KCNAB1: variants seen among roughly 807,000 people sequenced by gnomAD.
KCNAB1 encodes the protein voltage-gated potassium channel subunit beta-1.
In KCNAB1, 35 loss-of-function variants were observed where a neutral mutation model predicts 64.6. The ratio of observed to expected loss-of-function variants is 0.54; its 90% CI spans 0.41 to 0.72. The LOEUF (loss-of-function observed/expected upper bound fraction) is 0.72, where lower values mean the gene tolerates loss of function less well. Ranked by LOEUF, KCNAB1 falls within the 30% of genes least tolerant of loss-of-function variation. The pLI, the probability that KCNAB1 is intolerant of heterozygous loss-of-function variation, is 0.00. For synonymous variants in KCNAB1, 177 were observed against 183.8 expected, an observed-to-expected ratio of 0.96 and a Z score of 0.30; for missense variants, 401 against 512.9, an observed-to-expected ratio of 0.78 and a Z score of 2.11.
At chr3:156,184,134 A>AT (rs562382316) in intron 1 of KCNAB1, among the ~76,000 whole-genome samples, 180 of 152,284 alleles carry the variant, frequency 1.2e-3, no homozygotes, top group African/African-American at 3.8e-3. Flanking sequence ...TATACATACA[A>AT]TTTTTTTGTC....
chr3:156,281,076 A>C (rs1482074592), intron 1 of KCNAB1, among the ~76,000 whole-genome samples: 1 of 151,648 alleles, frequency 6.6e-6, no homozygotes, highest in Non-Finnish European at 1.5e-5. Context: ...GTTTTTGCCC[A>C]TTCAGTATGA....
chr3:156,522,029 C>T (rs1426535498), intron 11 of KCNAB1, among the ~76,000 whole-genome samples: 1 of 54,398 alleles, frequency 1.8e-5, no homozygotes, highest in Non-Finnish European at 5.3e-5. Context: ...TACACATATA[C>T]ACACACACAT....
chr3:156,416,581 A>G (rs1023546527), intron 1 of KCNAB1, among the ~76,000 whole-genome samples: 2 of 152,200 alleles, frequency 1.3e-5, no homozygotes, highest in African/African-American at 4.8e-5. Context: ...TTTAGGGCCT[A>G]CTATCCTTTT....
intron 1 of KCNAB1, among the ~76,000 whole-genome samples, chr3:156,165,548 A>G (rs1341811312): frequency 1.3e-5 from 2 of 152,184 alleles, no homozygotes; most frequent in Non-Finnish European, 2.9e-5. Flanking sequence ...AGTCTCCACA[A>G]TCAGCATTAC....
chr3:156,470,032 T>C (rs1268107058), intron 7 of KCNAB1, among the ~76,000 whole-genome samples: 2 of 152,224 alleles, frequency 1.3e-5, no homozygotes, highest in Non-Finnish European at 2.9e-5. Context: ...GATACAGAGT[T>C]CAGGCCACTT....
At chr3:156,529,656 C>G (rs1185295365) in intron 12 of KCNAB1, among the ~76,000 whole-genome samples, 1 of 152,188 alleles carries the variant, frequency 6.6e-6, no homozygotes, top group African/African-American at 2.4e-5. Context: ...CTGATGCATA[C>G]CAAAGTTTGA....
intron 7 of KCNAB1, among the ~76,000 whole-genome samples, chr3:156,473,874 G>T (rs1243574208): frequency 1.3e-5 from 2 of 152,168 alleles, no homozygotes; most frequent in Non-Finnish European, 2.9e-5. Flanking sequence ...AGGGTAACAT[G>T]ATTCTCGAAC....
At chr3:156,275,165 A>G (rs1576667337) in intron 1 of KCNAB1, among the ~76,000 whole-genome samples, 1 of 152,368 alleles carries the variant, frequency 6.6e-6, no homozygotes, top group South Asian at 2.1e-4. Flanking sequence ...CACTAGAATA[A>G]AGAAAATATT....
rs555934085 is a variant in KCNAB1, at chr3:156,264,515, T to A, written c.275+143629T>A. On this transcript the variant is annotated intron_variant, in intron 1 of 13. Transcript: ENST00000490337. ...ATATTTTAATTAGCTTGTTCATTTTTAAAAATATTTCTGTGAGTTATTTTC... is the reference window on the plus strand; with the variant it reads ...ATATTTTAATTAGCTTGTTCATTTTAAAAAATATTTCTGTGAGTTATTTTC... Among the ~76,000 whole-genome samples the A allele has an allele frequency of 2.6e-5, 4 of 152,254 alleles. No individual in the cohort carries two copies. In the East Asian group the frequency reaches 5.8e-4, roughly 22 times the overall value.
chr3:156,260,156 A>C (rs963203562), intron 1 of KCNAB1, among the ~76,000 whole-genome samples: 2 of 152,216 alleles, frequency 1.3e-5, no homozygotes, highest in African/African-American at 4.8e-5. Flanking sequence ...TGAAGTCTGC[A>C]TTCAGACCTC....
At chr3:156,366,022 C>A (rs766555482) in intron 1 of KCNAB1, among the ~76,000 whole-genome samples, 1 of 152,042 alleles carries the variant, frequency 6.6e-6, no homozygotes, top group Non-Finnish European at 1.5e-5. Context: ...CTACACTTGG[C>A]CCTTACACAT....
chr3:156,120,507 G>A, upstream of KCNAB1: 1 of 1,294,932 alleles, frequency 7.7e-7, no homozygotes, highest in African/African-American at 1.5e-5. Flanking sequence ...ATAAGGTTAA[G>A]AGAGGTGGAG....
At chr3:156,253,917 T>A (rs1717965060) in intron 1 of KCNAB1, among the ~76,000 whole-genome samples, 1 of 152,172 alleles carries the variant, frequency 6.6e-6, no homozygotes, top group South Asian at 2.1e-4. Context: ...AGCGATGTGA[T>A]GGCTTTAAGT....
chr3:156,277,928 C>T (rs985357614), intron 1 of KCNAB1, among the ~76,000 whole-genome samples: 4 of 152,146 alleles, frequency 2.6e-5, no homozygotes, highest in Non-Finnish European at 5.9e-5. Context: ...TGATGGATAG[C>T]AACAGGTGTG....
intron 1 of KCNAB1, among the ~76,000 whole-genome samples, chr3:156,134,027 C>T (rs917390885): frequency 2.6e-5 from 4 of 152,106 alleles, no homozygotes; most frequent in African/African-American, 9.7e-5. Flanking sequence ...ATTCATCTGA[C>T]ATTGTCAGAG....
At chr3:156,255,093 T>A (rs918637086) in intron 1 of KCNAB1, among the ~76,000 whole-genome samples, 1 of 152,142 alleles carries the variant, frequency 6.6e-6, no homozygotes, top group Non-Finnish European at 1.5e-5. Flanking sequence ...TTCAGCCCAT[T>A]AGTTGGAGGG....
At chr3:156,252,598 A>G (rs1249045048) in intron 1 of KCNAB1, among the ~76,000 whole-genome samples, 1 of 152,160 alleles carries the variant, frequency 6.6e-6, no homozygotes, top group Admixed American at 6.5e-5. Context: ...TCAAAGTTGC[A>G]AGTTCCCTAG....
rs369090378 is a variant in KCNAB1 at position 156,266,602 on chromosome 3, CAGTT to C, written c.275+145718_275+145721del. Among the ~76,000 whole-genome samples, 299 of 152,322 alleles carry C rather than the reference CAGTT, an allele frequency of 2.0e-3. 2 individuals are homozygous for C. The highest frequency in any genetic ancestry group is 3.1e-3 in the Non-Finnish European group (214 of 68,026). Reference sequence around the variant, plus strand: ...AACTATAGAGAGGGTTAAAAAGCCTCAGTTATTAGAATTCACAAAGTCACTATTG... The same window carrying C: ...AACTATAGAGAGGGTTAAAAAGCCTCATTAGAATTCACAAAGTCACTATTG... On this transcript the variant is annotated intron_variant, in intron 1 of 13. Coordinates refer to ENST00000490337, the MANE Select transcript of KCNAB1 (RefSeq NM_172160.3).
At chr3:156,238,832 C>T (rs1717005784) in intron 1 of KCNAB1, among the ~76,000 whole-genome samples, 1 of 152,182 alleles carries the variant, frequency 6.6e-6, no homozygotes, top group Non-Finnish European at 1.5e-5. Flanking sequence ...ATGCATGAAT[C>T]TTCAAGCTGT....
Sources: gnomAD v4.1 joint callset for allele counts (sites outside exome capture counted in the v4.1 genomes callset) on GRCh38, gnomAD v4.1.1 for gene constraint, MANE v1.5 for transcripts, NCBI Gene and HGNC (gene_info 2026-07-23, HGNC 2026-07-21) for gene names.